The following ZNF787 variants were observed in gnomAD, a reference collection of about 807,000 sequenced individuals.
ZNF787 encodes TTF-I-interacting peptide 20.
ZNF787 carries 7 observed loss-of-function variants against 16.9 expected under a neutral mutation model. That is an observed-to-expected ratio of 0.42 (90% confidence interval 0.24 to 0.78). The LOEUF (loss-of-function observed/expected upper bound fraction) is 0.78, where lower values mean the gene tolerates loss of function less well. Among genes scored for constraint, ZNF787 ranks in the 30% least tolerant of loss-of-function variants. The pLI, the probability that ZNF787 is intolerant of heterozygous loss-of-function variation, is 0.30. For synonymous variants in ZNF787, 345 were observed against 270.9 expected (o/e 1.27, Z -2.69); for missense variants, 551 against 589.3 (o/e 0.94, Z 0.67).
chr19:56,088,029 G>T lies in ZNF787; in HGVS notation c.1143C>A (p.Gly381=). The T allele has an allele frequency of 4.6e-6, 5 of 1,092,652 alleles. No individual in the cohort carries two copies. Among genetic ancestry groups the T allele is most frequent in the Non-Finnish European group, 5.4e-6 (5 of 919,402 alleles). 67.7% of individuals were successfully genotyped at this position (1,092,652 alleles called of 1,614,324 possible). A position where few individuals can be genotyped will look rare whatever the true frequency, so the allele number is the denominator to read the frequency against. Residue 381 remains glycine (G), a synonymous_variant, in exon 3 of 3, where the codon GGC becomes GGA. Coordinates refer to ENST00000610935, the MANE Select transcript of ZNF787 (RefSeq NM_001002836.4). The surrounding 1 kb of genome is among the most constrained non-coding windows in gnomAD (Gnocchi z 8.6). ...CCCCCCCCGGGCCCCTCCCCTACCG[G>T]CCCTCCCCACCGCGGCACTCGGGGC... The part of the protein sequence containing the change: ...GRCPECRGGE[G]R
chr19:56,094,465 C>G (rs1489534898), intron 2 of ZNF787, among the ~76,000 whole-genome samples: 3 of 146,306 alleles, frequency 2.1e-5, no homozygotes, highest in African/African-American at 4.9e-5. Context: ...TGAGCCACCA[C>G]GCCCCGCCTT....
chr19:56,111,060 C>T (rs1181853233), intron 1 of ZNF787, among the ~76,000 whole-genome samples: 3 of 152,248 alleles, frequency 2.0e-5, no homozygotes. Context: ...CAGCCATATA[C>T]CTACATGAAA....
chr19:56,117,106 G>A lies in ZNF787; in HGVS notation c.-11+4066C>T, dbSNP rs555750328. Among the ~76,000 whole-genome samples the A allele has an allele frequency of 4.6e-5, 7 of 152,262 alleles. No homozygotes were observed. The East Asian group carries it at 9.7e-4, about 21-fold the overall frequency. On this transcript the variant is annotated intron_variant, in intron 1 of 2. Transcript: ENST00000610935. Reference sequence around the variant, plus strand: ...CCTGGGCAAGGTGCTTGGGCTACCCGTCCCTCCTGATTAAATGAGATGTGT... The same window carrying A: ...CCTGGGCAAGGTGCTTGGGCTACCCATCCCTCCTGATTAAATGAGATGTGT...
intron 2 of ZNF787, among the ~76,000 whole-genome samples, chr19:56,089,668 C>G (rs534868966): frequency 2.4e-4 from 37 of 152,276 alleles, no homozygotes; most frequent in East Asian, 1.7e-3. Context: ...AGCATGAAAG[C>G]CCCACCTCCG....
rs537107570 is a variant in ZNF787, at chr19:56,088,926, C to T, written c.246G>A (p.Thr82=). 7 of 1,590,224 alleles carry T rather than the reference C, an allele frequency of 4.4e-6. No homozygotes were observed. In the South Asian group the frequency reaches 4.6e-5, roughly 10 times the overall value. The part of the protein sequence containing the change: ...GKSFSHWSKL[T]RHQRTHTGER... ...CGCCGGTGTGCGTGCGCTGGTGCCGCGTCAGCTTGGACCAGTGGCTAAAGC... is the reference window on the plus strand; with the variant it reads ...CGCCGGTGTGCGTGCGCTGGTGCCGTGTCAGCTTGGACCAGTGGCTAAAGC... Residue 82 remains threonine (T), a synonymous_variant, in exon 3 of 3, where the codon ACG becomes ACA. Transcript: ENST00000610935. The surrounding 1 kb of genome is among the most constrained non-coding windows in gnomAD (Gnocchi z 8.6).
chr19:56,089,099 A>G lies in ZNF787; in HGVS notation c.80-7T>C. ...TCCATGATGAGGATGTCCACTGGAA[A>G]GCAAGAGGGTAGGGGGAGGTGAGTC... is the stretch of plus-strand genomic sequence containing the variant. On this transcript the variant is annotated splice_polypyrimidine_tract_variant and splice_region_variant and intron_variant, in intron 2 of 2. Coordinates refer to ENST00000610935, the MANE Select transcript of ZNF787 (RefSeq NM_001002836.4). 1 of 1,455,610 alleles carries G rather than the reference A, an allele frequency of 6.9e-7. No individual in the cohort carries two copies. The highest frequency in any genetic ancestry group is 1.5e-5 in the South Asian group (1 of 66,760). 90.2% of individuals were successfully genotyped at this position (1,455,610 alleles called of 1,614,324 possible).
chr19:56,094,638 T>C (rs1985800202), intron 2 of ZNF787, among the ~76,000 whole-genome samples: 1 of 152,166 alleles, frequency 6.6e-6, no homozygotes, highest in African/African-American at 2.4e-5. Context: ...TCTGAGTTTG[T>C]GATTATGCTG....
intron 1 of ZNF787, among the ~76,000 whole-genome samples, chr19:56,112,904 G>A (rs984215933): frequency 5.3e-5 from 3 of 57,102 alleles, no homozygotes; most frequent in African/African-American, 7.4e-5. Flanking sequence ...CCTCCAGCAC[G>A]GAGGGCTCTG....
chr19:56,097,903 T>C (rs1985930826), intron 2 of ZNF787, among the ~76,000 whole-genome samples: 1 of 151,526 alleles, frequency 6.6e-6, no homozygotes, highest in South Asian at 2.1e-4. Context: ...GGTGGGGAGG[T>C]TCAAACCTTT....
In ZNF787 at chr19:56,088,675, G is replaced by A. The variant is rs1317353224; in HGVS notation, c.497C>T (p.Ala166Val). 6.3e-7 allele frequency: 1 copy of A among 1,582,640 alleles called. No individual in the cohort carries two copies. Among genetic ancestry groups the A allele is most frequent in the African/African-American group, 1.4e-5 (1 of 73,728 alleles). The change falls in exon 3 of 3, where the codon GCC (alanine) becomes GTC (valine). Residue 166 changes from alanine to valine, a missense_variant. Transcript: ENST00000610935. The surrounding 1 kb of genome is among the most constrained non-coding windows in gnomAD (Gnocchi z 8.6). ...GCCGCTGTGCGAGCGCCGGTGCTTG[G>A]CCAGGCTCTTGCTCTGAGTGAAGCT... ...GRSFTQSKSLAKHRRSHSGLK... is the reference protein window; with the variant it reads ...GRSFTQSKSLVKHRRSHSGLK...
At chr19:56,090,377 T>C (rs922241596) in intron 2 of ZNF787, among the ~76,000 whole-genome samples, 1 of 151,914 alleles carries the variant, frequency 6.6e-6, no homozygotes, top group Non-Finnish European at 1.5e-5. Context: ...ATTAGTAGAC[T>C]GGGTCCAAGA....
Position 56,098,996 on chromosome 19 carries a change from G to A in ZNF787, c.79+4143C>T, listed in dbSNP as rs551583448. ...CTGAGGCACTGCCTCGGTGTGGCCAGGACGTCACAGCAAGGGGCCCAGAGA... is the reference window on the plus strand; with the variant it reads ...CTGAGGCACTGCCTCGGTGTGGCCAAGACGTCACAGCAAGGGGCCCAGAGA... On this transcript the variant is annotated intron_variant, in intron 2 of 2. Transcript: ENST00000610935. 2.5e-3 allele frequency among the ~76,000 whole-genome samples: 375 copies of A among 152,296 alleles called. 4 individuals are homozygous for A. Among genetic ancestry groups the A allele is most frequent in the African/African-American group, 8.6e-3 (358 of 41,574 alleles).
intron 1 of ZNF787, among the ~76,000 whole-genome samples, chr19:56,113,416 C>T (rs2030039393): frequency 6.6e-6 from 1 of 152,228 alleles, no homozygotes; most frequent in South Asian, 2.1e-4. Context: ...AAAATCTGCA[C>T]ACGAATGTTC....
At chr19:56,119,781 G>T (rs1475666860) in intron 1 of ZNF787, among the ~76,000 whole-genome samples, 2 of 152,378 alleles carry the variant, frequency 1.3e-5, no homozygotes, top group South Asian at 4.1e-4. Flanking sequence ...CTCTGAGGCC[G>T]TGCGTGGCCG....
At chr19:56,109,099 CA>C (rs1337600563) in intron 1 of ZNF787, among the ~76,000 whole-genome samples, 1 of 152,176 alleles carries the variant, frequency 6.6e-6, no homozygotes, top group African/African-American at 2.4e-5. Flanking sequence ...CGCCCAACAT[CA>C]AGAGTGAGAG....
chr19:56,087,838 A>T lies in ZNF787; in HGVS notation c.*185T>A. On this transcript the variant is annotated 3_prime_UTR_variant, in exon 3 of 3. Transcript: ENST00000610935. ...GGCAGAGTCTCGAGGCGGAGAAGTG[A>T]ACGGGCCCTAATACGCCCCAGTGCC... 1 of 968,608 alleles carries T rather than the reference A, an allele frequency of 1.0e-6. No homozygotes were observed. Among genetic ancestry groups the T allele is most frequent in the Non-Finnish European group, 1.3e-6 (1 of 748,104 alleles). 60.0% of individuals were successfully genotyped at this position (968,608 alleles called of 1,614,324 possible). A position where few individuals can be genotyped will look rare whatever the true frequency, so the allele number is the denominator to read the frequency against.
At chr19:56,096,934 C>T (rs1206488271) in intron 2 of ZNF787, among the ~76,000 whole-genome samples, 1 of 152,082 alleles carries the variant, frequency 6.6e-6, no homozygotes, top group Non-Finnish European at 1.5e-5. Flanking sequence ...TGCCCGGTCC[C>T]ACACCCCTCA....
At chr19:56,108,899 A>T (rs1041874954) in intron 1 of ZNF787, among the ~76,000 whole-genome samples, 1 of 152,160 alleles carries the variant, frequency 6.6e-6, no homozygotes, top group African/African-American at 2.4e-5. Flanking sequence ...CTACCTCTCC[A>T]GAGGCTACCG....
At chr19:56,106,473 G>A (rs148753623) in intron 1 of ZNF787, among the ~76,000 whole-genome samples, 66 of 152,312 alleles carry the variant, frequency 4.3e-4, no homozygotes, top group African/African-American at 1.3e-3. Flanking sequence ...GCCCCAGCCC[G>A]CCCGCGAGTC....
Sources: allele counts gnomAD v4.1 joint callset (sites outside exome capture counted in the v4.1 genomes callset), GRCh38; gene constraint gnomAD v4.1.1; non-coding constraint Gnocchi (gnomAD v3.1); transcripts MANE v1.5; gene names NCBI Gene and HGNC (gene_info 2026-07-23, HGNC 2026-07-21).